The following SEC14L1 variants were observed in gnomAD, a reference collection of about 807,000 sequenced individuals.
SEC14L1 encodes the protein SEC14 like lipid binding 1.
A neutral mutation model predicts 85.3 loss-of-function variants in SEC14L1; 48 were observed. That is an observed-to-expected ratio of 0.56 (90% CI 0.45 to 0.72). The LOEUF is 0.72. SEC14L1 is among the 30% of genes least tolerant of loss of function. The probability of loss-of-function intolerance (pLI) is 0.00; values close to 1 mark genes in which losing one functional copy is unlikely to be tolerated. For synonymous variants in SEC14L1, 391 were observed against 355.5 expected (o/e 1.10, Z -1.12); for missense variants, 682 against 921.4 (o/e 0.74, Z 3.36).
At chr17:77,139,708 C>A (rs938479508), upstream of SEC14L1, among the ~76,000 whole-genome samples, 13 of 152,012 alleles carry the variant, frequency 8.6e-5, no homozygotes, top group Non-Finnish European at 1.6e-4. Flanking sequence ...CCGTGTTAGC[C>A]AGGATGGTCT....
chr17:77,215,598 C>T lies in SEC14L1; in HGVS notation c.*1575C>T. The T allele has an allele frequency of 2.0e-6, 2 of 988,090 alleles. No individual in the cohort carries two copies. Among genetic ancestry groups the T allele is most frequent in the African/African-American group, 1.7e-5 (1 of 57,312 alleles). 61.2% of individuals were successfully genotyped at this position (988,090 alleles called of 1,614,324 possible). On this transcript the variant is annotated 3_prime_UTR_variant, in exon 17 of 17. Transcript: ENST00000436233. ...GGGTCAGCCCTAGTGGCTGCCTGCA[C>T]ACTGTAGACGTCCCAGGGCCTGTGC...
intron 5 of SEC14L1, among the ~76,000 whole-genome samples, chr17:77,192,774 C>T (rs1975609354): frequency 6.6e-6 from 1 of 152,088 alleles, no homozygotes; most frequent in African/African-American, 2.4e-5. Context: ...GATCCTCCTG[C>T]CCCAGCCTCC....
At chr17:77,178,883 A>G (rs892910955) in intron 3 of SEC14L1, among the ~76,000 whole-genome samples, 1 of 152,208 alleles carries the variant, frequency 6.6e-6, no homozygotes, top group African/African-American at 2.4e-5. Flanking sequence ...GTCCAGGTGA[A>G]GTTCAGCATA....
At position 77,201,477 on chromosome 17, in the gene SEC14L1, G is replaced by A. The variant is rs1160351022; in HGVS notation, c.1009+804G>A. Among the ~76,000 whole-genome samples, 3 of 146,364 alleles carry A rather than the reference G, an allele frequency of 2.0e-5. No homozygotes were observed. In the East Asian group the frequency reaches 6.1e-4, roughly 30 times the overall value. On this transcript the variant is annotated intron_variant, in intron 9 of 16. Coordinates refer to ENST00000436233, the MANE Select transcript of SEC14L1 (RefSeq NM_001143998.2). Reference sequence around the variant, plus strand: ...CTTTTTTTTTTTTTTTTGAGACAGAGTCTCGCTCTGTCCCCAAGGCTGGAG... The same window carrying A: ...CTTTTTTTTTTTTTTTTGAGACAGAATCTCGCTCTGTCCCCAAGGCTGGAG...
intron 3 of SEC14L1, among the ~76,000 whole-genome samples, chr17:77,118,900 A>G (rs539197300): frequency 3.3e-5 from 5 of 152,090 alleles, no homozygotes; most frequent in Admixed American, 3.3e-4. Context: ...CCATCCCACC[A>G]CCTTCAGCGG....
At chr17:77,124,553 T>A (rs1241263472) in intron 3 of SEC14L1, among the ~76,000 whole-genome samples, 5 of 152,148 alleles carry the variant, frequency 3.3e-5, no homozygotes, top group Admixed American at 6.5e-5. Context: ...TCAGCTGTGG[T>A]GGTTCAAAAT....
intron 4 of SEC14L1, 48 bp downstream of exon 4, chr17:77,191,000 A>AGAGGGCGTCCTGGTGGGT: frequency 6.2e-7 from 1 of 1,602,498 alleles, no homozygotes; most frequent in Admixed American, 1.7e-5. Context: ...TCCTGGTGGG[A>AGAGGGCGTCCTGGTGGGT]GAGGGCGTCC....
At position 77,158,548 on chromosome 17, in the gene SEC14L1, G is replaced by A. The variant is rs573162164; in HGVS notation, c.63+14889G>A. Among the ~76,000 whole-genome samples the A allele has an allele frequency of 2.0e-5, 3 of 151,980 alleles. No homozygotes were observed. In the South Asian group the frequency reaches 6.2e-4, roughly 32 times the overall value. ...TAGTACTTGACCTTTTGTGTAACTG[G>A]GTTTTTTCACTTAGCCTAATGTCTT... On this transcript the variant is annotated intron_variant, in intron 3 of 16. Coordinates refer to ENST00000436233, the MANE Select transcript of SEC14L1 (RefSeq NM_001143998.2).
chr17:77,108,806 G>A (rs76434787), intron 3 of SEC14L1, among the ~76,000 whole-genome samples: 25 of 87,078 alleles, frequency 2.9e-4, no homozygotes, highest in African/African-American at 1.3e-3. Context: ...AAAAAAAAAA[G>A]AATGTATATG....
At chr17:77,153,465 T>C (rs1445918655) in intron 3 of SEC14L1, among the ~76,000 whole-genome samples, 2 of 152,170 alleles carry the variant, frequency 1.3e-5, no homozygotes. Context: ...TAATTTTGAG[T>C]TGCAAATAAG....
At chr17:77,168,128 G>A (rs927473188) in intron 3 of SEC14L1, among the ~76,000 whole-genome samples, 1 of 152,126 alleles carries the variant, frequency 6.6e-6, no homozygotes, top group Non-Finnish European at 1.5e-5. Flanking sequence ...TGTCCATTAC[G>A]GTACGGGGCA....
intron 3 of SEC14L1, among the ~76,000 whole-genome samples, chr17:77,102,209 A>G (rs777429503): frequency 9.2e-5 from 14 of 152,242 alleles, no homozygotes; most frequent in Non-Finnish European, 1.8e-4. Context: ...TCCCGCTTTG[A>G]TACAGCTAAG....
exon 3 of SEC14L1, chr17:77,093,313 C>G (rs1971560941): frequency 6.6e-6 from 1 of 152,120 alleles, no homozygotes. Flanking sequence ...GCCTGTGTGC[C>G]TGGAAAGGAA....
rs111174313 is a variant in SEC14L1, at chr17:77,216,162, C to T, written c.*2139C>T. On this transcript the variant is annotated 3_prime_UTR_variant, in exon 17 of 17. Coordinates refer to ENST00000436233, the MANE Select transcript of SEC14L1 (RefSeq NM_001143998.2). The stretch of plus-strand genomic sequence containing the variant: ...GTAGGTAGGGTTCGTAGGTAGGGTT[C>T]GTAGGTAGGGCTAGTAGGTAGGGTT... The T allele has an allele frequency of 9.5e-6, 4 of 422,854 alleles. No individual in the cohort carries two copies. Among genetic ancestry groups the T allele is most frequent in the South Asian group, 1.5e-4 (2 of 13,222 alleles). The allele number at this position is 422,854 out of a possible 1,614,324, so 26.2% of individuals were successfully genotyped here. A position where few individuals can be genotyped will look rare whatever the true frequency, so the allele number is the denominator to read the frequency against.
At chr17:77,099,491 C>T (rs1335041620) in intron 3 of SEC14L1, among the ~76,000 whole-genome samples, 1 of 152,226 alleles carries the variant, frequency 6.6e-6, no homozygotes, top group East Asian at 1.9e-4. Flanking sequence ...TGGCCGGGCT[C>T]ACATCTGTAA....
intron 3 of SEC14L1, among the ~76,000 whole-genome samples, chr17:77,100,402 T>C (rs2143311901): frequency 6.8e-6 from 1 of 147,668 alleles, no homozygotes; most frequent in East Asian, 2.0e-4. Context: ...TCTTTTTTTT[T>C]TTTTCTTTTC....
rs1480277165 is a variant in SEC14L1 at position 77,100,637 on chromosome 17, A to G, written c.-136+7290A>G. 3.3e-5 allele frequency among the ~76,000 whole-genome samples: 5 copies of G among 151,358 alleles called. No homozygotes were observed. In the South Asian group the frequency reaches 6.3e-4, roughly 19 times the overall value. On this transcript the variant is annotated intron_variant, in intron 3 of 19. Transcript: ENST00000392476. The stretch of plus-strand genomic sequence containing the variant: ...TTTTTAGTAGAGACAGGGTTTCACC[A>G]TGTTGGTCAGGCTGGCCTCAAACTC...
chr17:77,122,394 C>T (rs551508947), intron 3 of SEC14L1, among the ~76,000 whole-genome samples: 3 of 151,982 alleles, frequency 2.0e-5, no homozygotes, highest in Non-Finnish European at 2.9e-5. Context: ...CTCAACTTTC[C>T]GAGCTCAAGT....
intron 3 of SEC14L1, among the ~76,000 whole-genome samples, chr17:77,177,076 C>G (rs1242742535): frequency 6.6e-6 from 1 of 151,782 alleles, no homozygotes; most frequent in African/African-American, 2.4e-5. Flanking sequence ...GACATAAATG[C>G]TTTTTAAATT....
Sources: gnomAD v4.1 joint callset for allele counts (sites outside exome capture counted in the v4.1 genomes callset) on GRCh38, gnomAD v4.1.1 for gene constraint, MANE v1.5 for transcripts, NCBI Gene and HGNC (gene_info 2026-07-23, HGNC 2026-07-21) for gene names.